Variants in ITGB3 observed in about 807,000 individuals in gnomAD.
ITGB3 encodes integrin beta-3.
A neutral mutation model predicts 85.8 loss-of-function variants in ITGB3; 48 were observed. The observed-to-expected ratio is 0.56, with a 90% CI of 0.44 to 0.71. ITGB3 has a LOEUF of 0.71. Among genes scored for constraint, ITGB3 ranks in the 30% least tolerant of loss-of-function variants. The probability of loss-of-function intolerance (pLI) is 0.00; values close to 1 mark genes in which losing one functional copy is unlikely to be tolerated. For synonymous variants in ITGB3, 363 were observed against 395.6 expected, an observed-to-expected ratio of 0.92 and a Z score of 0.98; for missense variants, 861 against 1,019.1, an observed-to-expected ratio of 0.84 and a Z score of 2.11.
Position 47,307,690 on chromosome 17 carries a change from T to C in ITGB3, c.2301+53T>C. 5 of 1,561,472 alleles carry C rather than the reference T, an allele frequency of 3.2e-6. 1 individual carries two copies. In the South Asian group the frequency reaches 4.5e-5, roughly 14 times the overall value. On this transcript the variant is annotated intron_variant, in intron 14 of 14. Transcript: ENST00000559488. Reference sequence around the variant, plus strand: ...AAGTCATTGGTCTGAGACTCTTAAGTGGAAGCAGCAGATGCTTTGGGTGGT... The same window carrying C: ...AAGTCATTGGTCTGAGACTCTTAAGCGGAAGCAGCAGATGCTTTGGGTGGT...
rs2064977538 is a variant in ITGB3, at chr17:47,253,941, G to A, written c.79+1G>A. ...GCGCTGGCGGGCGTTGGCGTAGGAG[G>A]TGAGTGAGGCTCCGGCTCGGCAGCG... On this transcript the variant is annotated splice_donor_variant, in intron 1 of 14. Coordinates refer to ENST00000559488, the MANE Select transcript of ITGB3 (RefSeq NM_000212.3). LOFTEE classifies it high-confidence loss of function. 3 of 1,418,788 alleles carry A rather than the reference G, an allele frequency of 2.1e-6. No individual in the cohort carries two copies. The African/African-American group carries it at 4.4e-5, about 21-fold the overall frequency. The allele number at this position is 1,418,788 out of a possible 1,614,324, so 87.9% of individuals were successfully genotyped here.
At chr17:47,274,783 G>C (rs2065057025) in intron 2 of ITGB3, among the ~76,000 whole-genome samples, 1 of 152,160 alleles carries the variant, frequency 6.6e-6, no homozygotes, top group African/African-American at 2.4e-5. Context: ...CTCACACTTT[G>C]CTTGCTTTTT....
chr17:47,281,374 C>T, intron 2 of ITGB3, among the ~76,000 whole-genome samples: 1 of 152,192 alleles, frequency 6.6e-6, no homozygotes, highest in Non-Finnish European at 1.5e-5. Context: ...CATAGACATG[C>T]ACCCACACAG....
At chr17:47,267,746 G>C (rs898365189) in intron 1 of ITGB3, among the ~76,000 whole-genome samples, 3 of 152,096 alleles carry the variant, frequency 2.0e-5, no homozygotes, top group South Asian at 4.1e-4. Context: ...TTTGTATCTT[G>C]CAAAACTTTC....
chr17:47,268,040 A>T (rs568516852), intron 1 of ITGB3, among the ~76,000 whole-genome samples: 113 of 152,320 alleles, frequency 7.4e-4, no homozygotes, highest in African/African-American at 2.5e-3. Flanking sequence ...AGGAAAGATA[A>T]GTGCCAAGCA....
chr17:47,254,178 A>T (rs2064978966), intron 1 of ITGB3, among the ~76,000 whole-genome samples: 1 of 152,072 alleles, frequency 6.6e-6, no homozygotes. Flanking sequence ...CGAAGCCATC[A>T]GCCAGGCTGA....
chr17:47,301,866 A>G (rs759959718), intron 12 of ITGB3, among the ~76,000 whole-genome samples: 3 of 152,158 alleles, frequency 2.0e-5, no homozygotes, highest in Non-Finnish European at 4.4e-5. Flanking sequence ...TTAAGATAAG[A>G]ACTAGGTCCT....
intron 13 of ITGB3, among the ~76,000 whole-genome samples, chr17:47,304,527 A>G (rs1472306343): frequency 6.6e-6 from 1 of 152,256 alleles, no homozygotes; most frequent in East Asian, 1.9e-4. Context: ...TATTTGGTAC[A>G]CAATGATAGT....
chr17:47,306,119 A>G (rs1029346132), intron 13 of ITGB3, among the ~76,000 whole-genome samples: 3 of 152,216 alleles, frequency 2.0e-5, no homozygotes, highest in Non-Finnish European at 4.4e-5. Flanking sequence ...AGACACACCA[A>G]CAAGTCACAC....
intron 1 of ITGB3, among the ~76,000 whole-genome samples, chr17:47,273,752 A>G (rs7209700): frequency 0.34 from 52,296 of 152,130 alleles, 9,322 homozygotes; most frequent in African/African-American, 0.41. Context: ...ATTCAAGCAC[A>G]AACCTTCCAA....
chr17:47,298,099 A>T (rs930068872), intron 10 of ITGB3, among the ~76,000 whole-genome samples: 4 of 152,106 alleles, frequency 2.6e-5, no homozygotes, highest in Non-Finnish European at 5.9e-5. Context: ...GGTGAACTTG[A>T]ACTGCGCCTG....
In ITGB3 at chr17:47,299,241, G is replaced by A; in HGVS notation, c.1691-67G>A. On this transcript the variant is annotated intron_variant, in intron 10 of 14. Transcript: ENST00000559488. This position sits in a 1 kb window ranked among gnomAD's most constrained non-coding sequence, Gnocchi z 5.1. ...GGTTGGGAGAGCAGGATGGTCGTGT[G>A]TAGCCTGCTGCCATGGGAGTGGAGC... is the stretch of plus-strand genomic sequence containing the variant. The A allele has an allele frequency of 6.9e-7, 1 of 1,443,532 alleles. No individual in the cohort carries two copies. Among genetic ancestry groups the A allele is most frequent in the Non-Finnish European group, 9.7e-7 (1 of 1,034,622 alleles). 89.4% of individuals were successfully genotyped at this position (1,443,532 alleles called of 1,614,324 possible). A position where few individuals can be genotyped will look rare whatever the true frequency, so the allele number is the denominator to read the frequency against.
intron 13 of ITGB3, among the ~76,000 whole-genome samples, chr17:47,303,302 C>T (rs1456109846): frequency 4.6e-5 from 7 of 151,750 alleles, no homozygotes; most frequent in African/African-American, 1.2e-4. Flanking sequence ...AGTTAGGGAC[C>T]GTCATCTGGG....
Position 47,292,125 on chromosome 17 carries a change from T to A in ITGB3, c.1261-14T>A. On this transcript the variant is annotated splice_polypyrimidine_tract_variant and intron_variant, in intron 9 of 14. Coordinates refer to ENST00000559488, the MANE Select transcript of ITGB3 (RefSeq NM_000212.3). ...GCCCAACTGTGTCTAAATACAATCT[T>A]TCTTTCCATCCAGGTGAGCTTCAGC... is the stretch of plus-strand genomic sequence containing the variant. The A allele has an allele frequency of 6.2e-7, 1 of 1,614,002 alleles. No homozygotes were observed.
At chr17:47,273,323 A>G (rs946109801) in intron 1 of ITGB3, among the ~76,000 whole-genome samples, 1 of 152,246 alleles carries the variant, frequency 6.6e-6, no homozygotes, top group African/African-American at 2.4e-5. Flanking sequence ...AGGAGCTGTC[A>G]GGGTAACTGG....
intron 8 of ITGB3, among the ~76,000 whole-genome samples, chr17:47,290,631 G>A (rs941713716): frequency 3.3e-5 from 5 of 152,176 alleles, no homozygotes; most frequent in Admixed American, 1.3e-4. Flanking sequence ...GAAACATTAG[G>A]TAGAAAATGC....
At chr17:47,307,334 A>T in intron 13 of ITGB3, 137 bp from the exon 14 acceptor site, 1 of 957,262 alleles carries the variant, frequency 1.0e-6, no homozygotes, top group South Asian at 1.4e-5. Flanking sequence ...TTGTCTCCTT[A>T]AAAAAATTAA....
In ITGB3 at chr17:47,292,411, A is replaced by G. The variant is rs4642; in HGVS notation, c.1533A>G (p.Glu511=). The G allele has an allele frequency of 0.29, 466,042 of 1,612,160 alleles. 67,985 individuals carry two copies. Among genetic ancestry groups the G allele is most frequent in the East Asian group, 0.34 (15,262 of 44,832 alleles). Residue 511 remains glutamate (E), a synonymous_variant, in exon 10 of 15, where the codon GAA becomes GAG. Coordinates refer to ENST00000559488, the MANE Select transcript of ITGB3 (RefSeq NM_000212.3). ...EEDYRPSQQD[E]CSPREGQPVC... is the part of the protein sequence containing the mutation. ...ACTATCGCCCTTCCCAGCAGGACGA[A>G]TGCAGCCCCCGGGAGGGTCAGCCCG...
intron 5 of ITGB3, 80 bp from the exon 6 acceptor site, chr17:47,286,990 T>C (rs2143098353): frequency 6.8e-7 from 1 of 1,473,680 alleles, no homozygotes; most frequent in Non-Finnish European, 9.4e-7. Context: ...AGGGAGCACC[T>C]TGGGTCTCTG....
Sources: gnomAD v4.1 joint callset for allele counts (sites outside exome capture counted in the v4.1 genomes callset) on GRCh38, gnomAD v4.1.1 for gene constraint, Gnocchi (gnomAD v3.1) non-coding constraint, MANE v1.5 for transcripts, NCBI Gene and HGNC (gene_info 2026-07-23, HGNC 2026-07-21) for gene names.